Variants in NUP37 observed in about 807,000 individuals in gnomAD.
The protein encoded by NUP37 is nucleoporin Nup37.
Under a neutral mutation model 45.4 loss-of-function variants are expected in NUP37, and 33 were observed. The observed-to-expected ratio is 0.73, with a 90% CI of 0.55 to 0.97. The LOEUF is 0.97. NUP37 is among the 50% of genes least tolerant of loss of function. The probability of loss-of-function intolerance (pLI) is 0.00; values close to 1 mark genes in which losing one functional copy is unlikely to be tolerated. For missense variants in NUP37, 365 were observed against 389.7 expected (o/e 0.94, Z 0.53); for synonymous variants, 127 against 130.7 (o/e 0.97, Z 0.19).
intron 6 of NUP37, among the ~76,000 whole-genome samples, chr12:102,083,167 A>C (rs1350564890): frequency 6.6e-6 from 1 of 152,224 alleles, no homozygotes; most frequent in African/African-American, 2.4e-5. Context: ...AGTTGTAATA[A>C]ATGTTCTCAT....
At chr12:102,076,680 A>G in intron 8 of NUP37, 117 bp downstream of exon 8, 1 of 762,522 alleles carries the variant, frequency 1.3e-6, no homozygotes, top group South Asian at 1.8e-5. Context: ...AACCACTTAT[A>G]AAACAATAAG....
rs1435312754 is a variant in NUP37 at position 102,101,102 on chromosome 12, A to C, written c.284T>G (p.Phe95Cys). 6.4e-7 allele frequency: 1 copy of C among 1,558,208 alleles called. No homozygotes were observed. Among genetic ancestry groups the C allele is most frequent in the Non-Finnish European group, 8.7e-7 (1 of 1,150,434 alleles). ...TTTCATATCAGCAGCTGAAGTACAA[A>C]ATCTGGAAGCAAAAAAACAAAAATA... ...RLDSLPPVIK[F>C]CTSAADMKIR... is the part of the protein sequence containing the mutation. The change falls in exon 4 of 10, where the codon TTT becomes TGT. Residue 95 changes from phenylalanine (F) to cysteine (C), a missense_variant and splice_region_variant. By Grantham distance (205) the Phe-to-Cys change is radical. Coordinates refer to ENST00000552283, the MANE Select transcript of NUP37 (RefSeq NM_024057.4).
intron 4 of NUP37, among the ~76,000 whole-genome samples, chr12:102,100,089 C>T (rs1487385714): frequency 6.6e-6 from 1 of 152,078 alleles, no homozygotes; most frequent in Non-Finnish European, 1.5e-5. Context: ...GTCTACAAGA[C>T]AAACTAAATT....
At chr12:102,114,053 T>C (rs2136756411) in intron 2 of NUP37, among the ~76,000 whole-genome samples, 1 of 152,332 alleles carries the variant, frequency 6.6e-6, no homozygotes, top group East Asian at 1.9e-4. Flanking sequence ...AAAAACACTG[T>C]CAAATTTTAC....
chr12:102,086,741 C>T (rs1434163109), intron 5 of NUP37, among the ~76,000 whole-genome samples: 1 of 151,830 alleles, frequency 6.6e-6, no homozygotes, highest in African/African-American at 2.4e-5. Flanking sequence ...CAGCCGGTGA[C>T]AGAACTCGGT....
chr12:102,101,001 G>A (rs765229165), intron 4 of NUP37, 31 bp downstream of exon 4: 2 of 1,300,208 alleles, frequency 1.5e-6, no homozygotes, highest in Non-Finnish European at 2.1e-6. Flanking sequence ...TTTAAAATAA[G>A]CTCTAAAGAT....
At chr12:102,093,483 A>C (rs1879716994) in intron 5 of NUP37, among the ~76,000 whole-genome samples, 1 of 152,068 alleles carries the variant, frequency 6.6e-6, no homozygotes, top group Non-Finnish European at 1.5e-5. Flanking sequence ...AAACTTCAAA[A>C]ATTAAACTCT....
chr12:102,109,896 A>C (rs1378940746), intron 3 of NUP37, among the ~76,000 whole-genome samples: 1 of 152,214 alleles, frequency 6.6e-6, no homozygotes, highest in Non-Finnish European at 1.5e-5. Context: ...TAAAAATTTA[A>C]AGAATCAAAG....
chr12:102,084,161 G>A (rs929459193), intron 6 of NUP37, among the ~76,000 whole-genome samples: 1 of 152,068 alleles, frequency 6.6e-6, no homozygotes, highest in Non-Finnish European at 1.5e-5. Context: ...ATTTCTCTGC[G>A]CCTTGGTTTC....
intron 4 of NUP37, among the ~76,000 whole-genome samples, chr12:102,100,478 G>T (rs1348291731): frequency 6.6e-6 from 1 of 152,198 alleles, no homozygotes; most frequent in Non-Finnish European, 1.5e-5. Flanking sequence ...ATATGAATTT[G>T]CTCAGTCAAT....
chr12:102,093,189 C>T (rs181207099), intron 5 of NUP37, among the ~76,000 whole-genome samples: 1 of 152,082 alleles, frequency 6.6e-6, no homozygotes, highest in Admixed American at 6.5e-5. Context: ...AGGAGGTACC[C>T]TGTTTCATAC....
At chr12:102,074,503 A>C (rs1879114404) in intron 9 of NUP37, 36 bp from the exon 10 acceptor site, 5 of 1,205,918 alleles carry the variant, frequency 4.1e-6, no homozygotes, top group Non-Finnish European at 6.0e-6. Context: ...AAGCACAGTA[A>C]GTCCCCAAAA....
chr12:102,101,413 G>GT (rs1483443326), intron 3 of NUP37, among the ~76,000 whole-genome samples: 5 of 151,964 alleles, frequency 3.3e-5, no homozygotes, highest in African/African-American at 1.2e-4. Context: ...AATTTTAAAC[G>GT]TTTTCTTAAA....
chr12:102,098,176 C>T (rs567125644), intron 5 of NUP37, among the ~76,000 whole-genome samples: 1 of 152,300 alleles, frequency 6.6e-6, no homozygotes, highest in Admixed American at 6.5e-5. Context: ...ACTCATTTCA[C>T]TCCTGACTCC....
intron 8 of NUP37, 83 bp downstream of exon 8, chr12:102,076,711 AAAG>A (rs1879178507): frequency 1.8e-6 from 2 of 1,111,030 alleles, no homozygotes; most frequent in African/African-American, 1.6e-5. Context: ...AATCCAGTGC[AAAG>A]AAGAGAACTA....
chr12:102,077,558 T>C, intron 6 of NUP37, 55 bp from the exon 7 acceptor site: 2 of 1,481,146 alleles, frequency 1.4e-6, no homozygotes, highest in Non-Finnish European at 1.8e-6. Context: ...TAACTATACC[T>C]GAAGTGTAAG....
chr12:102,085,304 C>A (rs1323214583), intron 6 of NUP37, among the ~76,000 whole-genome samples: 1 of 152,056 alleles, frequency 6.6e-6, no homozygotes, highest in African/African-American at 2.4e-5. Context: ...TGCCTATAGT[C>A]CCAGCTACTC....
intron 2 of NUP37, among the ~76,000 whole-genome samples, chr12:102,113,877 A>G (rs1183450447): frequency 6.6e-6 from 1 of 152,238 alleles, no homozygotes; most frequent in Admixed American, 6.5e-5. Context: ...TGATTTTTCC[A>G]GGATAGCCTA....
At chr12:102,103,855 A>T (rs993430648) in intron 3 of NUP37, among the ~76,000 whole-genome samples, 9 of 152,168 alleles carry the variant, frequency 5.9e-5, no homozygotes, top group African/African-American at 2.2e-4. Context: ...GTATAGACAA[A>T]ATGTTCCGCA....
Sources: allele counts gnomAD v4.1 joint callset (sites outside exome capture counted in the v4.1 genomes callset), GRCh38; gene constraint gnomAD v4.1.1; transcripts MANE v1.5; gene names NCBI Gene and HGNC (gene_info 2026-07-23, HGNC 2026-07-21).